Variants in SND1 observed in about 807,000 individuals in gnomAD.
The protein encoded by SND1 is staphylococcal nuclease and tudor domain containing 1.
SND1 carries 38 observed loss-of-function variants against 121.7 expected under a neutral mutation model. The ratio of observed to expected loss-of-function variants is 0.31; its 90% CI spans 0.24 to 0.41. The LOEUF is 0.41. Among genes scored for constraint, SND1 ranks in the 10% least tolerant of loss-of-function variants. The probability of loss-of-function intolerance (pLI) is 1.00; values close to 1 mark genes in which losing one functional copy is unlikely to be tolerated. For synonymous variants in SND1, 401 were observed against 447.4 expected, an observed-to-expected ratio of 0.90 and a Z score of 1.31; for missense variants, 868 against 1,184.6, an observed-to-expected ratio of 0.73 and a Z score of 3.92.
Position 127,721,385 on chromosome 7 carries a change from G to T in SND1, c.1137G>T (p.Glu379Asp). Residue 379 changes from glutamate (E) to aspartate (D), a missense_variant, in exon 10 of 24, where the codon GAG (glutamate) becomes GAT (aspartate). By Grantham distance (45) the Glu-to-Asp change is conservative. Coordinates refer to ENST00000354725, the MANE Select transcript of SND1 (RefSeq NM_014390.4). ...CCAGCATCCGACCACCGAGGCTGGA[G>T]GGGGAGAACACCCAGGTGAGAATAG... ...HLSSIRPPRL[E>D]GENTQDKNKK... 1.9e-6 allele frequency: 3 copies of T among 1,609,568 alleles called. No homozygotes were observed. Among genetic ancestry groups the T allele is most frequent in the Non-Finnish European group, 1.7e-6 (2 of 1,177,650 alleles).
intron 11 of SND1, among the ~76,000 whole-genome samples, chr7:127,813,988 G>A (rs376966327): frequency 6.6e-6 from 1 of 152,190 alleles, no homozygotes; most frequent in South Asian, 2.1e-4. Flanking sequence ...TCACCTGAGG[G>A]AAATGATTTA....
At chr7:128,080,163 AT>A (rs1229712260) in intron 17 of SND1, among the ~76,000 whole-genome samples, 1 of 152,204 alleles carries the variant, frequency 6.6e-6, no homozygotes, top group Non-Finnish European at 1.5e-5. Context: ...AATCATCCTT[AT>A]TCCTGTGTGC....
chr7:127,887,967 A>G lies in SND1; in HGVS notation c.1409A>G (p.Asp470Gly). 6.2e-7 allele frequency: 1 copy of G among 1,612,294 alleles called. No homozygotes were observed. The highest frequency in any genetic ancestry group is 8.5e-7 in the Non-Finnish European group (1 of 1,178,926). Reference protein sequence around the residue: ...ATVIRYRQDDDQRSSHYDELL... With the variant: ...ATVIRYRQDDGQRSSHYDELL... ...GTGATCAGATACCGGCAGGATGATGACCAGAGATCATCACACTACGATGAA... is the reference window on the plus strand; with the variant it reads ...GTGATCAGATACCGGCAGGATGATGGCCAGAGATCATCACACTACGATGAA... The change falls in exon 13 of 24, where the codon GAC (aspartate) becomes GGC (glycine). Residue 470 changes from aspartate to glycine, a missense_variant. Around this residue, in one of 2 missense-constraint regions of SND1, gnomAD observed 743 missense variants for 1,071.3 expected, o/e 0.69. Coordinates refer to ENST00000354725, the MANE Select transcript of SND1 (RefSeq NM_014390.4).
At position 127,779,771 on chromosome 7, in the gene SND1, C is replaced by T. The variant is rs77801435; in HGVS notation, c.1153-27713C>T. 8.1e-3 allele frequency among the ~76,000 whole-genome samples: 1,237 copies of T among 152,288 alleles called. 52 individuals carry two copies. In the South Asian group the frequency reaches 0.12, roughly 14 times the overall value. Reference sequence around the variant, plus strand: ...TGTGGTTTTCCATATATGCTTCATGCGCTCTGTCCTTTTTGCTTTTCCTGA... The same window carrying T: ...TGTGGTTTTCCATATATGCTTCATGTGCTCTGTCCTTTTTGCTTTTCCTGA... On this transcript the variant is annotated intron_variant, in intron 10 of 23. Coordinates refer to ENST00000354725, the MANE Select transcript of SND1 (RefSeq NM_014390.4).
chr7:128,085,383 G>T lies in SND1; in HGVS notation c.2235-328G>T, dbSNP rs1793672352. ...CTGCGGCCTCCCAGGCAGATCTGCT[G>T]GCTAATTACAGCTGCTGTTTAGTGC... On this transcript the variant is annotated intron_variant, in intron 19 of 23. Coordinates refer to ENST00000354725, the MANE Select transcript of SND1 (RefSeq NM_014390.4). This position sits in a 1 kb window ranked among gnomAD's most constrained non-coding sequence, Gnocchi z 4.4. Among the ~76,000 whole-genome samples the T allele has an allele frequency of 6.6e-6, 1 of 152,098 alleles. No individual in the cohort carries two copies. The highest frequency in any genetic ancestry group is 2.4e-5 in the African/African-American group (1 of 41,450).
chr7:127,719,913 G>GTT (rs1257187067), intron 9 of SND1, among the ~76,000 whole-genome samples: 1 of 152,028 alleles, frequency 6.6e-6, no homozygotes, highest in African/African-American at 2.4e-5. Flanking sequence ...GCTGTTTTCT[G>GTT]TTACATATAA....
intron 11 of SND1, among the ~76,000 whole-genome samples, chr7:127,816,979 A>G (rs540315738): frequency 8.9e-4 from 136 of 152,286 alleles, no homozygotes; most frequent in Middle Eastern, 3.4e-3. Flanking sequence ...TTTGTTATTC[A>G]TTCAGCAGAT....
intron 15 of SND1, among the ~76,000 whole-genome samples, chr7:127,979,118 A>T (rs952734906): frequency 6.6e-6 from 1 of 152,216 alleles, no homozygotes; most frequent in Non-Finnish European, 1.5e-5. Context: ...TATTCATGGT[A>T]CAACTCTAGC....
At chr7:128,081,322 C>T in intron 17 of SND1, 38 bp from the exon 18 acceptor site, 1 of 1,612,438 alleles carries the variant, frequency 6.2e-7, no homozygotes, top group South Asian at 1.1e-5. Flanking sequence ...GACTTCACTT[C>T]CTCGCCCTCT....
chr7:127,867,880 G>T, intron 12 of SND1, among the ~76,000 whole-genome samples: 1 of 144,236 alleles, frequency 6.9e-6, no homozygotes. Context: ...ACATTCCCTG[G>T]TTCTCATTCA....
chr7:127,955,233 T>C (rs1056811840), intron 15 of SND1, among the ~76,000 whole-genome samples: 1 of 152,182 alleles, frequency 6.6e-6, no homozygotes, highest in African/African-American at 2.4e-5. Context: ...TTTCAGCACA[T>C]GAGCAAGTAA....
At chr7:127,919,706 G>A (rs980866672) in intron 14 of SND1, among the ~76,000 whole-genome samples, 2 of 152,044 alleles carry the variant, frequency 1.3e-5, no homozygotes, top group African/African-American at 2.4e-5. Context: ...GTTTATTGTA[G>A]TATTCCTATA....
At chr7:128,074,260 G>A (rs1478943746) in intron 16 of SND1, among the ~76,000 whole-genome samples, 4 of 152,154 alleles carry the variant, frequency 2.6e-5, no homozygotes, top group African/African-American at 4.8e-5. Context: ...GGAGAATCCC[G>A]TTTGCCCCGG....
intron 15 of SND1, among the ~76,000 whole-genome samples, chr7:127,955,761 T>G (rs1356211441): frequency 6.6e-6 from 1 of 152,210 alleles, no homozygotes; most frequent in East Asian, 1.9e-4. Context: ...ATGACCCTTC[T>G]GGCCTGTCTG....
intron 10 of SND1, among the ~76,000 whole-genome samples, chr7:127,761,321 C>G (rs190738404): frequency 6.6e-6 from 1 of 152,308 alleles, no homozygotes; most frequent in East Asian, 1.9e-4. Flanking sequence ...CCCCAAGATT[C>G]AAAAGCTGTC....
At chr7:128,043,329 G>T (rs1164964481) in intron 16 of SND1, among the ~76,000 whole-genome samples, 2 of 152,028 alleles carry the variant, frequency 1.3e-5, no homozygotes, top group African/African-American at 4.8e-5. Context: ...TAATATACAT[G>T]TAATAAGGCC....
Position 128,089,627 on chromosome 7 carries a change from C to A in SND1, c.2557C>A (p.Leu853Met). 6.2e-7 allele frequency: 1 copy of A among 1,614,166 alleles called. No individual in the cohort carries two copies. Among genetic ancestry groups the A allele is most frequent in the Admixed American group, 1.7e-5 (1 of 60,026 alleles). ...TGCAGATTCCAAGGGCGATGTGGGG[C>A]TGGGCTTGGTGAAGGAAGGGCTGGT... ...QFADSKGDVG[L>M]GLVKEGLVMV... The change falls in exon 22 of 24, where the codon CTG becomes ATG. Residue 853 changes from leucine to methionine, a missense_variant. By Grantham distance (15) the Leu-to-Met change is conservative. Around this residue, in one of 2 missense-constraint regions of SND1, gnomAD observed 743 missense variants for 1,071.3 expected, o/e 0.69. Transcript: ENST00000354725.
At chr7:128,031,771 A>G (rs1383288965) in intron 16 of SND1, 3 of 142,836 alleles carry the variant, frequency 2.1e-5, no homozygotes, top group African/African-American at 5.1e-5. Context: ...GCGGCGCGCA[A>G]CCGCCCGTCG....
intron 16 of SND1, among the ~76,000 whole-genome samples, chr7:127,994,549 C>CAAAAAAAAAAA (rs563548702): frequency 8.7e-5 from 4 of 46,238 alleles, no homozygotes; most frequent in East Asian, 1.2e-3. Context: ...CACTTTTACT[C>CAAAAAAAAAAA]AAAAAAAAAA....
Sources: gnomAD v4.1 joint callset for allele counts (sites outside exome capture counted in the v4.1 genomes callset) on GRCh38, gnomAD v4.1.1 for gene constraint, gnomAD v4.1.1 regional missense constraint, Gnocchi (gnomAD v3.1) non-coding constraint, MANE v1.5 for transcripts, NCBI Gene and HGNC (gene_info 2026-07-23, HGNC 2026-07-21) for gene names.